Variants in NFIB observed in about 807,000 individuals in gnomAD.
NFIB encodes the protein nuclear factor I B, also known as nuclear factor 1 B-type.
In NFIB, 11 loss-of-function variants were observed where a neutral mutation model predicts 61.5. That is an observed-to-expected ratio of 0.18 (90% CI 0.11 to 0.30). The LOEUF (loss-of-function observed/expected upper bound fraction) is 0.30. Ranked by LOEUF, NFIB falls within the 10% of genes least tolerant of loss-of-function variation. The pLI is 1.00. For missense variants in NFIB, 471 were observed against 608.9 expected (o/e 0.77, Z 2.38); for synonymous variants, 260 against 216.5 (o/e 1.20, Z -1.76).
intron 1 of NFIB, among the ~76,000 whole-genome samples, chr9:14,340,330 A>C (rs113204034): frequency 1.3e-5 from 2 of 152,352 alleles, no homozygotes; most frequent in South Asian, 2.1e-4. Flanking sequence ...AAGAGGCACT[A>C]TTCTCTTAAA....
intron 2 of NFIB, among the ~76,000 whole-genome samples, chr9:14,251,068 T>G (rs2055550460): frequency 6.6e-6 from 1 of 152,204 alleles, no homozygotes; most frequent in Non-Finnish European, 1.5e-5. Context: ...TAATTAAAGA[T>G]TATAGTATTT....
chr9:14,419,729 C>G, the NFIB span, among the ~76,000 whole-genome samples: 1 of 152,138 alleles, frequency 6.6e-6, no homozygotes, highest in Non-Finnish European at 1.5e-5. Context: ...ATCCACAACA[C>G]CGACCCTTTG....
At chr9:14,202,693 G>C (rs2049182496) in intron 2 of NFIB, among the ~76,000 whole-genome samples, 2 of 152,134 alleles carry the variant, frequency 1.3e-5, no homozygotes, top group Admixed American at 1.3e-4. Context: ...CATATGTGTA[G>C]TATTTTATAT....
intron 2 of NFIB, among the ~76,000 whole-genome samples, chr9:14,247,005 C>G (rs1238063375): frequency 6.6e-6 from 1 of 152,116 alleles, no homozygotes; most frequent in African/African-American, 2.4e-5. Flanking sequence ...CTATATCTCT[C>G]TCTCTCTCTG....
the NFIB span, among the ~76,000 whole-genome samples, chr9:14,452,114 G>A: frequency 6.6e-6 from 1 of 152,078 alleles, no homozygotes; most frequent in South Asian, 2.1e-4. Context: ...TGCATTTCTG[G>A]TCTCATAAAG....
the NFIB span, among the ~76,000 whole-genome samples, chr9:14,459,037 A>G: frequency 2.0e-5 from 3 of 152,126 alleles, no homozygotes; most frequent in Non-Finnish European, 2.9e-5. Flanking sequence ...ATATGGAACC[A>G]AAAAAGAGCC....
the NFIB span, among the ~76,000 whole-genome samples, chr9:14,508,073 T>C: frequency 6.6e-6 from 1 of 151,040 alleles, no homozygotes; most frequent in Non-Finnish European, 1.5e-5. Flanking sequence ...TCCAAACAAT[T>C]AGGCATATAT....
the NFIB span, among the ~76,000 whole-genome samples, chr9:14,492,978 G>A: frequency 6.6e-6 from 1 of 152,200 alleles, no homozygotes; most frequent in Non-Finnish European, 1.5e-5. Context: ...TGAGGAATAA[G>A]CCTCACTGGG....
At chr9:14,235,131 G>A (rs1416717076) in intron 2 of NFIB, among the ~76,000 whole-genome samples, 3 of 151,968 alleles carry the variant, frequency 2.0e-5, no homozygotes, top group Admixed American at 1.3e-4. Context: ...AATGTTATAC[G>A]ATTGAAAACA....
At chr9:14,153,794 T>C (rs1217573749) in intron 4 of NFIB, among the ~76,000 whole-genome samples, 1 of 152,162 alleles carries the variant, frequency 6.6e-6, no homozygotes, top group Non-Finnish European at 1.5e-5. Flanking sequence ...TATGTTTACT[T>C]AGCAAACCCC....
chr9:14,509,158 G>C, the NFIB span, among the ~76,000 whole-genome samples: 1 of 152,172 alleles, frequency 6.6e-6, no homozygotes. Flanking sequence ...CAGCAAAACA[G>C]ACCAAAATCC....
chr9:14,254,302 AAAAAC>A (rs376272253), intron 2 of NFIB, among the ~76,000 whole-genome samples: 1,852 of 148,840 alleles, frequency 0.012, 38 homozygotes, highest in African/African-American at 0.045. Flanking sequence ...CTGTCTCAAA[AAAAAC>A]AAAACAAAAC....
At chr9:14,207,120 C>T (rs1300667255) in intron 2 of NFIB, among the ~76,000 whole-genome samples, 2 of 152,160 alleles carry the variant, frequency 1.3e-5, no homozygotes, top group Non-Finnish European at 2.9e-5. Flanking sequence ...CTTGCGATAA[C>T]ACTAAGGGAT....
intron 2 of NFIB, among the ~76,000 whole-genome samples, chr9:14,224,956 C>T (rs10961431): frequency 2.0e-5 from 3 of 152,012 alleles, no homozygotes; most frequent in Non-Finnish European, 2.9e-5. Context: ...ACTTTCTTAG[C>T]GAATTTCCAG....
At chr9:14,172,097 C>T (rs55889691) in intron 3 of NFIB, among the ~76,000 whole-genome samples, 1 of 152,016 alleles carries the variant, frequency 6.6e-6, no homozygotes, top group Non-Finnish European at 1.5e-5. Flanking sequence ...AAGAACAGGA[C>T]AGAAAGAAAC....
chr9:14,511,054 G>A, the NFIB span, among the ~76,000 whole-genome samples: 106 of 152,230 alleles, frequency 7.0e-4, no homozygotes, highest in African/African-American at 2.4e-3. Context: ...TAAAAGATTT[G>A]CCAATTTTGG....
the NFIB span, among the ~76,000 whole-genome samples, chr9:14,466,452 C>G: frequency 6.6e-6 from 1 of 152,122 alleles, no homozygotes; most frequent in Non-Finnish European, 1.5e-5. Context: ...TCGCACCATC[C>G]TCTGGGCTCT....
At chr9:14,284,659 G>C (rs112661682) in intron 2 of NFIB, among the ~76,000 whole-genome samples, 2 of 152,250 alleles carry the variant, frequency 1.3e-5, no homozygotes, top group African/African-American at 4.8e-5. Flanking sequence ...AACAGAAAGA[G>C]CCCAGAGTCC....
intron 2 of NFIB, among the ~76,000 whole-genome samples, chr9:14,269,078 CT>C (rs111709351): frequency 2.6e-4 from 38 of 148,012 alleles, no homozygotes; most frequent in African/African-American, 4.0e-4. Flanking sequence ...ACATTTTAAA[CT>C]TTTTTTTTTT....
Sources: allele counts gnomAD v4.1 joint callset (sites outside exome capture counted in the v4.1 genomes callset), GRCh38; gene constraint gnomAD v4.1.1; transcripts MANE v1.5; gene names NCBI Gene and HGNC (gene_info 2026-07-23, HGNC 2026-07-21).